WAPL: variants seen among roughly 807,000 people sequenced by gnomAD.
The protein encoded by WAPL is wings apart-like protein homolog.
WAPL carries 5 observed loss-of-function variants against 121.0 expected under a neutral mutation model. That is an observed-to-expected ratio of 0.04 (90% CI 0.02 to 0.09). The LOEUF is 0.09. Ranked by LOEUF, WAPL falls within the 10% of genes least tolerant of loss-of-function variation. The probability of loss-of-function intolerance (pLI) is 1.00; values close to 1 mark genes in which losing one functional copy is unlikely to be tolerated. For synonymous variants in WAPL, 480 were observed against 481.5 expected (o/e 1.00, Z 0.04); for missense variants, 999 against 1,410.8 (o/e 0.71, Z 4.68).
Position 86,453,803 on chromosome 10 carries a change from G to C in WAPL, c.2686C>G (p.Gln896Glu), listed in dbSNP as rs757298357. The stretch of plus-strand genomic sequence containing the variant: ...CTGTCCTCAGCACGGTTGTACTGCT[G>C]AATCAGTTCTTCACAATGCTGTAAT... The part of the protein sequence containing the change: ...KALQHCEELI[Q>E]QYNRAEDSIC... Residue 896 changes from glutamine (Q) to glutamate (E), a missense_variant, in exon 13 of 19, where the codon CAG becomes GAG. This residue lies in a region of WAPL where 85 missense variants were observed against 133.5 expected (regional missense o/e 0.64). Coordinates refer to ENST00000298767, the MANE Select transcript of WAPL (RefSeq NM_015045.5). 2 of 1,611,702 alleles carry C rather than the reference G, an allele frequency of 1.2e-6. No individual in the cohort carries two copies. The highest frequency in any genetic ancestry group is 2.2e-5 in the East Asian group (1 of 44,838).
At chr10:86,469,382 G>A (rs984324700) in intron 8 of WAPL, among the ~76,000 whole-genome samples, 3 of 151,122 alleles carry the variant, frequency 2.0e-5, no homozygotes, top group African/African-American at 7.3e-5. Context: ...CCTCCTGAGT[G>A]GCTGGGATTA....
At chr10:86,493,895 C>A (rs1842098963) in intron 4 of WAPL, among the ~76,000 whole-genome samples, 1 of 152,120 alleles carries the variant, frequency 6.6e-6, no homozygotes, top group African/African-American at 2.4e-5. Context: ...CCCAGCTACC[C>A]AGGAGGCTAA....
rs974643422 is a variant in WAPL at position 86,479,288 on chromosome 10, G to A, written c.1645-5315C>T. ...TTTTGTTTTTGAGACAAAGTTTCTCGCTCTTACTGCCCAGGCTGGAGTGCA... is the reference window on the plus strand; with the variant it reads ...TTTTGTTTTTGAGACAAAGTTTCTCACTCTTACTGCCCAGGCTGGAGTGCA... On this transcript the variant is annotated intron_variant, in intron 4 of 18. Coordinates refer to ENST00000298767, the MANE Select transcript of WAPL (RefSeq NM_015045.5). Among the ~76,000 whole-genome samples the A allele has an allele frequency of 4.6e-5, 7 of 152,178 alleles. No individual in the cohort carries two copies. The East Asian group carries it at 7.8e-4, about 17-fold the overall frequency.
intron 8 of WAPL, among the ~76,000 whole-genome samples, chr10:86,467,842 T>C (rs1841435845): frequency 6.6e-6 from 1 of 151,622 alleles, no homozygotes; most frequent in African/African-American, 2.4e-5. Flanking sequence ...ACGCCCAGCT[T>C]ATTTTTTGTA....
rs1564584841 is a variant in WAPL at position 86,500,226 on chromosome 10, T to C, written c.1017A>G (p.Lys339=). 5 of 1,614,208 alleles carry C rather than the reference T, an allele frequency of 3.1e-6. No individual in the cohort carries two copies. Among genetic ancestry groups the C allele is most frequent in the Non-Finnish European group, 4.2e-6 (5 of 1,180,028 alleles). ...AACTGGTCCCACAACTTACACCCCC[T>C]TTCTTTGCCTGATTCAGGCCATCTT... The part of the protein sequence containing the change: ...SSKDGLNQAK[K]GGVSCGTSFR... Residue 339 remains lysine (K), a synonymous_variant, in exon 3 of 19, where the codon AAA becomes AAG. Transcript: ENST00000298767.
chr10:86,463,962 G>C (rs903077591), intron 9 of WAPL, among the ~76,000 whole-genome samples: 1 of 152,114 alleles, frequency 6.6e-6, no homozygotes, highest in Non-Finnish European at 1.5e-5. Flanking sequence ...ATAACTTCTA[G>C]GTCTGTGTAA....
intron 4 of WAPL, among the ~76,000 whole-genome samples, chr10:86,480,482 A>G (rs1385657119): frequency 1.3e-5 from 2 of 152,232 alleles, no homozygotes; most frequent in African/African-American, 4.8e-5. Context: ...TTCAACAATT[A>G]AAACTAAAAG....
chr10:86,462,419 A>T (rs1037539585), intron 9 of WAPL, among the ~76,000 whole-genome samples: 2 of 152,140 alleles, frequency 1.3e-5, no homozygotes, highest in African/African-American at 4.8e-5. Flanking sequence ...TACTTCTTTT[A>T]AAAAAGTTGT....
At chr10:86,443,005 T>C (rs1849509141) in intron 17 of WAPL, among the ~76,000 whole-genome samples, 1 of 141,558 alleles carries the variant, frequency 7.1e-6, no homozygotes, top group Admixed American at 7.5e-5. Flanking sequence ...ATTGCGCCAC[T>C]GCACTCCAGC....
intron 4 of WAPL, among the ~76,000 whole-genome samples, chr10:86,493,990 A>G (rs1393392720): frequency 3.3e-5 from 5 of 152,166 alleles, no homozygotes; most frequent in Non-Finnish European, 7.4e-5. Flanking sequence ...GCAACAGAGC[A>G]AGACTCTGCC....
At chr10:86,451,421 C>T (rs1292668057) in intron 15 of WAPL, among the ~76,000 whole-genome samples, 3 of 150,846 alleles carry the variant, frequency 2.0e-5, no homozygotes, top group African/African-American at 7.3e-5. Flanking sequence ...CAGAGTCTTG[C>T]TCTGTTGTCC....
chr10:86,519,751 C>G (rs528900667), intron 1 of WAPL, among the ~76,000 whole-genome samples: 2 of 152,296 alleles, frequency 1.3e-5, no homozygotes, highest in Admixed American at 1.3e-4. Flanking sequence ...AAGCTGAGAT[C>G]CTGCAGGTCT....
At chr10:86,481,639 C>G (rs1841790819) in intron 4 of WAPL, among the ~76,000 whole-genome samples, 1 of 151,956 alleles carries the variant, frequency 6.6e-6, no homozygotes, top group African/African-American at 2.4e-5. Flanking sequence ...TCCCAAAGAG[C>G]TGGGATTACA....
At chr10:86,486,040 T>C (rs1425573544) in intron 4 of WAPL, among the ~76,000 whole-genome samples, 1 of 152,202 alleles carries the variant, frequency 6.6e-6, no homozygotes, top group Non-Finnish European at 1.5e-5. Flanking sequence ...CTTCCACACT[T>C]TTGCCAGTTT....
chr10:86,489,723 T>A (rs933913843), intron 4 of WAPL, among the ~76,000 whole-genome samples: 3 of 151,958 alleles, frequency 2.0e-5, no homozygotes, highest in Non-Finnish European at 4.4e-5. Flanking sequence ...TGAAAAACTG[T>A]GATAGAACAG....
At chr10:86,498,103 AG>A (rs1429952673) in intron 3 of WAPL, among the ~76,000 whole-genome samples, 1 of 152,238 alleles carries the variant, frequency 6.6e-6, no homozygotes, top group African/African-American at 2.4e-5. Flanking sequence ...AGTTTCTCAA[AG>A]GGAGTCTAAT....
chr10:86,515,738 C>A (rs774261583), intron 2 of WAPL, among the ~76,000 whole-genome samples: 1 of 151,756 alleles, frequency 6.6e-6, no homozygotes, highest in East Asian at 1.9e-4. Context: ...GGCAAGACTG[C>A]GCCACTGTAC....
At chr10:86,499,212 A>G (rs1007511067) in intron 3 of WAPL, among the ~76,000 whole-genome samples, 1 of 152,200 alleles carries the variant, frequency 6.6e-6, no homozygotes, top group African/African-American at 2.4e-5. Flanking sequence ...GGTTCCTTAC[A>G]ACTTGGGACC....
At chr10:86,503,752 CAAAAAA>C (rs34620393) in intron 2 of WAPL, among the ~76,000 whole-genome samples, 1 of 147,188 alleles carries the variant, frequency 6.8e-6, no homozygotes, top group African/African-American at 2.5e-5. Flanking sequence ...GACTCCATCT[CAAAAAA>C]AAAAAAGAAT....
Sources: allele counts gnomAD v4.1 joint callset (sites outside exome capture counted in the v4.1 genomes callset), GRCh38; gene constraint gnomAD v4.1.1; regional missense constraint gnomAD v4.1.1; transcripts MANE v1.5; gene names NCBI Gene and HGNC (gene_info 2026-07-23, HGNC 2026-07-21).